The following CSMD3 variants were observed in gnomAD, a reference collection of about 807,000 sequenced individuals.
CSMD3 encodes CUB and sushi domain-containing protein 3.
CSMD3 carries 177 observed loss-of-function variants against 435.2 expected under a neutral mutation model. That is an observed-to-expected ratio of 0.41 (90% CI 0.36 to 0.46). CSMD3 has a LOEUF of 0.46. CSMD3 is among the 20% of genes least tolerant of loss of function. The probability of loss-of-function intolerance (pLI) is 0.34; values close to 1 mark genes in which losing one functional copy is unlikely to be tolerated. For missense variants in CSMD3, 4,265 were observed against 4,504.6 expected (o/e 0.95, Z 1.52); for synonymous variants, 1,656 against 1,520.5 (o/e 1.09, Z -2.07).
chr8:113,114,332 GA>G (rs1270694821), intron 4 of CSMD3, among the ~76,000 whole-genome samples: 1 of 152,052 alleles, frequency 6.6e-6, no homozygotes, highest in African/African-American at 2.4e-5. Flanking sequence ...AAAATGAATA[GA>G]AATGTTAAAC....
chr8:112,942,810 C>T (rs2130775210), intron 9 of CSMD3, among the ~76,000 whole-genome samples: 2 of 151,762 alleles, frequency 1.3e-5, no homozygotes, highest in Middle Eastern at 6.8e-3. Context: ...CCTTTTAAAT[C>T]CCTGTGACAT....
intron 16 of CSMD3, among the ~76,000 whole-genome samples, chr8:112,678,359 A>G (rs535424039): frequency 6.6e-6 from 1 of 152,338 alleles, no homozygotes; most frequent in African/African-American, 2.4e-5. Context: ...AGTTAAAAGC[A>G]AGACATCCAC....
intron 3 of CSMD3, among the ~76,000 whole-genome samples, chr8:113,214,676 ACT>A (rs2092880351): frequency 6.6e-6 from 1 of 151,844 alleles, no homozygotes; most frequent in African/African-American, 2.4e-5. Context: ...AAACAACTTG[ACT>A]CTGAAAAATT....
At chr8:112,552,419 G>C (rs1639727569) in intron 26 of CSMD3, among the ~76,000 whole-genome samples, 175 bp downstream of exon 26, 2 of 152,072 alleles carry the variant, frequency 1.3e-5, no homozygotes, top group Non-Finnish European at 2.9e-5. Context: ...CTATGAGGAG[G>C]AGGTTGCAGT....
intron 13 of CSMD3, among the ~76,000 whole-genome samples, chr8:112,710,692 C>A (rs2076591585): frequency 6.6e-6 from 1 of 151,514 alleles, no homozygotes; most frequent in African/African-American, 2.4e-5. Context: ...TCTAAAAAAT[C>A]TCTTACTTCA....
rs918616358 is a variant in CSMD3 at position 113,428,257 on chromosome 8, T to TA, written c.178+8419dup. ...CTATCTATCTATCTATCTATCTATC[T>TA]ATCTTTCTGTCTAATCACGACTATT... On this transcript the variant is annotated intron_variant, in intron 1 of 70. Coordinates refer to ENST00000297405, the MANE Select transcript of CSMD3 (RefSeq NM_198123.2). Among the ~76,000 whole-genome samples, 19 of 146,430 alleles carry TA rather than the reference T, an allele frequency of 1.3e-4. No individual in the cohort carries two copies. In the East Asian group the frequency reaches 2.5e-3, roughly 19 times the overall value.
At chr8:113,211,891 A>G (rs1243555632) in intron 3 of CSMD3, among the ~76,000 whole-genome samples, 2 of 152,166 alleles carry the variant, frequency 1.3e-5, no homozygotes, top group African/African-American at 4.8e-5. Context: ...GCTATCTCTA[A>G]CTTTCAGGTT....
intron 32 of CSMD3, among the ~76,000 whole-genome samples, chr8:112,411,024 A>C (rs1243085604): frequency 7.0e-6 from 1 of 143,516 alleles, no homozygotes; most frequent in Non-Finnish European, 1.6e-5. Flanking sequence ...AAACATGCCC[A>C]ATTTCCTTGC....
At chr8:113,103,468 C>T (rs2090387302) in intron 4 of CSMD3, among the ~76,000 whole-genome samples, 2 of 151,914 alleles carry the variant, frequency 1.3e-5, no homozygotes, top group Non-Finnish European at 2.9e-5. Context: ...TGAAGAAAAC[C>T]ACAAATTCAG....
At chr8:112,790,201 A>G (rs1587302383) in intron 13 of CSMD3, among the ~76,000 whole-genome samples, 1 of 152,138 alleles carries the variant, frequency 6.6e-6, no homozygotes, top group East Asian at 1.9e-4. Flanking sequence ...CTCTTGCCAG[A>G]TATCATTTCA....
chr8:112,296,137 A>G (rs529688582), intron 53 of CSMD3, 131 bp from the exon 54 acceptor site: 5 of 720,742 alleles, frequency 6.9e-6, no homozygotes, highest in African/African-American at 5.3e-5. Flanking sequence ...AATTATAACT[A>G]TATGACATAA....
In CSMD3 at chr8:112,552,705, C is replaced by T. The variant is rs200417516; in HGVS notation, c.4250G>A (p.Arg1417His). ...TCTTCCTGATGATTCTCCTTTAAAA[C>T]GACCTCCACATTCAGCTGATAAAAA... The part of the protein sequence containing the change: ...LPSCIAECGG[R>H]FKGESSGRIL... Residue 1417 changes from arginine to histidine, a missense_variant, in exon 26 of 71, where the codon CGT (arginine) becomes CAT (histidine). Coordinates refer to ENST00000297405, the MANE Select transcript of CSMD3 (RefSeq NM_198123.2). 6.7e-5 allele frequency: 108 copies of T among 1,611,550 alleles called. No individual in the cohort carries two copies. Among genetic ancestry groups the T allele is most frequent in the East Asian group, 1.3e-4 (6 of 44,710 alleles).
intron 1 of CSMD3, among the ~76,000 whole-genome samples, chr8:113,391,777 C>T (rs1055320510): frequency 5.3e-5 from 8 of 151,666 alleles, no homozygotes; most frequent in Non-Finnish European, 1.0e-4. Context: ...AGAAAAAGAA[C>T]ATGGCAATGA....
intron 32 of CSMD3, among the ~76,000 whole-genome samples, chr8:112,434,319 T>C (rs1814069768): frequency 6.6e-6 from 1 of 152,166 alleles, no homozygotes; most frequent in African/African-American, 2.4e-5. Flanking sequence ...TTTTATACAA[T>C]TTACGAGGCA....
At chr8:112,950,791 G>A (rs1010808271) in intron 8 of CSMD3, among the ~76,000 whole-genome samples, 2 of 151,930 alleles carry the variant, frequency 1.3e-5, no homozygotes, top group Non-Finnish European at 2.9e-5. Context: ...TTAACCCGGA[G>A]CTCTATAGCT....
At chr8:113,196,283 A>G (rs1377866936) in intron 3 of CSMD3, among the ~76,000 whole-genome samples, 2 of 151,284 alleles carry the variant, frequency 1.3e-5, no homozygotes, top group African/African-American at 4.8e-5. Flanking sequence ...CTCTTCAATT[A>G]TGCATAAAAA....
chr8:112,827,164 A>AATAT (rs3047126), intron 12 of CSMD3, among the ~76,000 whole-genome samples: 2,244 of 82,272 alleles, frequency 0.027, 74 homozygotes, highest in Non-Finnish European at 0.035. Context: ...GGTTACCATA[A>AATAT]ATATATATAT....
At chr8:113,227,610 C>T (rs1420076076) in intron 3 of CSMD3, among the ~76,000 whole-genome samples, 1 of 151,444 alleles carries the variant, frequency 6.6e-6, no homozygotes, top group Non-Finnish European at 1.5e-5. Flanking sequence ...AGTTTTCTCG[C>T]GATAGTGAGT....
intron 3 of CSMD3, among the ~76,000 whole-genome samples, chr8:113,264,124 T>C (rs761471779): frequency 1.3e-5 from 2 of 151,542 alleles, no homozygotes; most frequent in African/African-American, 2.4e-5. Flanking sequence ...AATAATAGTA[T>C]GAAATTATTT....
Sources: allele counts gnomAD v4.1 joint callset (sites outside exome capture counted in the v4.1 genomes callset), GRCh38; gene constraint gnomAD v4.1.1; transcripts MANE v1.5; gene names NCBI Gene and HGNC (gene_info 2026-07-23, HGNC 2026-07-21).